The following FBXO25 variants were observed in gnomAD, a reference collection of about 807,000 sequenced individuals.
FBXO25 encodes F-box only protein 25.
FBXO25 carries 45 observed loss-of-function variants against 51.9 expected under a neutral mutation model. The observed-to-expected ratio is 0.87, with a 90% confidence interval of 0.68 to 1.11. The LOEUF (loss-of-function observed/expected upper bound fraction) is 1.11. Among genes scored for constraint, FBXO25 ranks in the 50% most tolerant of loss-of-function variants. The pLI, the probability that FBXO25 is intolerant of heterozygous loss-of-function variation, is 0.00. For synonymous variants in FBXO25, 199 were observed against 151.0 expected (o/e 1.32, Z -2.33); for missense variants, 507 against 428.5 (o/e 1.18, Z -1.62).
chr8:466,411 C>T (rs995361234), intron 9 of FBXO25, among the ~76,000 whole-genome samples: 5 of 152,344 alleles, frequency 3.3e-5, no homozygotes, highest in African/African-American at 9.6e-5. Context: ...AGTCCTGCAC[C>T]TGGAAACTGG....
intron 2 of FBXO25, among the ~76,000 whole-genome samples, chr8:430,817 C>A (rs188983980): frequency 5.7e-4 from 87 of 152,276 alleles, no homozygotes; most frequent in African/African-American, 2.0e-3. Context: ...TAAAAATATA[C>A]ATGTCACTTC....
At chr8:416,294 C>G (rs923571741) in intron 2 of FBXO25, among the ~76,000 whole-genome samples, 1 of 152,208 alleles carries the variant, frequency 6.6e-6, no homozygotes, top group Non-Finnish European at 1.5e-5. Context: ...TACTCCTTCC[C>G]CATCTTTTCA....
chr8:437,546 T>C (rs1327590733), intron 5 of FBXO25, among the ~76,000 whole-genome samples: 2 of 152,198 alleles, frequency 1.3e-5, no homozygotes, highest in African/African-American at 2.4e-5. Flanking sequence ...CCAGCAAAGT[T>C]ACCTCTAAAA....
At chr8:444,357 A>C (rs984599010) in intron 5 of FBXO25, among the ~76,000 whole-genome samples, 2 of 152,206 alleles carry the variant, frequency 1.3e-5, no homozygotes, top group Non-Finnish European at 2.9e-5. Context: ...TGCAGTGCCA[A>C]TTTACTCCCA....
chr8:438,725 T>G (rs1435602446), intron 5 of FBXO25, among the ~76,000 whole-genome samples: 3 of 152,176 alleles, frequency 2.0e-5, no homozygotes, highest in Non-Finnish European at 4.4e-5. Context: ...TTTTCTAACT[T>G]TCAAGAAACT....
chr8:428,319 A>G (rs892947015), intron 2 of FBXO25, among the ~76,000 whole-genome samples: 7 of 152,130 alleles, frequency 4.6e-5, no homozygotes, highest in African/African-American at 1.7e-4. Flanking sequence ...TAGCTCCATC[A>G]TTCAGACATG....
intron 1 of FBXO25, among the ~76,000 whole-genome samples, chr8:408,934 T>A (rs1341294202): frequency 1.3e-5 from 2 of 152,204 alleles, no homozygotes; most frequent in Non-Finnish European, 2.9e-5. Flanking sequence ...ATTTCTAGTT[T>A]TTTTGTGTTT....
chr8:451,247 G>C, intron 6 of FBXO25, 22 bp from the exon 7 acceptor site: 1 of 1,578,924 alleles, frequency 6.3e-7, no homozygotes, highest in Non-Finnish European at 8.6e-7. Flanking sequence ...TCAATCCATA[G>C]TTTTATTTTT....
chr8:422,785 T>C (rs1038503643), intron 2 of FBXO25, among the ~76,000 whole-genome samples: 1 of 152,166 alleles, frequency 6.6e-6, no homozygotes, highest in African/African-American at 2.4e-5. Context: ...CAATGGTGGC[T>C]TACCTCTTAG....
At position 451,436 on chromosome 8, in the gene FBXO25, G is replaced by C. The variant is rs144159684; in HGVS notation, c.643G>C (p.Asp215His). The C allele has an allele frequency of 6.1e-5, 98 of 1,613,632 alleles. 1 individual carries two copies. In the African/African-American group the frequency reaches 1.3e-3, roughly 21 times the overall value. The part of the protein sequence containing the change: ...TILAWQQQLQ[D>H]LQMTKQVNNG... ...TCTCGCCTGGCAACAACAGCTACAG[G>C]ATCTTCAGATGACTAAGGTATAAAT... Residue 215 changes from aspartate to histidine, a missense_variant, in exon 7 of 10, where the codon GAT becomes CAT. By Grantham distance (81) the Asp-to-His change is moderately conservative (BLOSUM62 -1). Coordinates refer to ENST00000350302, the MANE Select transcript of FBXO25 (RefSeq NM_183420.2).
Position 420,074 on chromosome 8 carries a change from A to C in FBXO25, c.134+6861A>C, listed in dbSNP as rs1367725678. Among the ~76,000 whole-genome samples, 4 of 152,152 alleles carry C rather than the reference A, an allele frequency of 2.6e-5. No individual in the cohort carries two copies. In the East Asian group the frequency reaches 7.7e-4, roughly 29 times the overall value. ...ATTTATTGTTAGGGAAACAAATGCA[A>C]GCAATCCGGAAGGTAAACACTGCAG... is the stretch of plus-strand genomic sequence containing the variant. On this transcript the variant is annotated intron_variant, in intron 2 of 9. Coordinates refer to ENST00000350302, the MANE Select transcript of FBXO25 (RefSeq NM_183420.2).
intron 5 of FBXO25, among the ~76,000 whole-genome samples, chr8:443,846 A>G (rs1399653888): frequency 2.0e-5 from 3 of 152,078 alleles, no homozygotes; most frequent in Non-Finnish European, 4.4e-5. Flanking sequence ...AATAAACTTG[A>G]GAAGTCTTTT....
chr8:460,264 C>T (rs927360515), intron 8 of FBXO25, among the ~76,000 whole-genome samples: 4 of 152,128 alleles, frequency 2.6e-5, no homozygotes, highest in African/African-American at 9.7e-5. Flanking sequence ...GTGGTCATTG[C>T]CATTCTTAAA....
At chr8:443,453 T>A (rs1318869844) in intron 5 of FBXO25, among the ~76,000 whole-genome samples, 1 of 151,818 alleles carries the variant, frequency 6.6e-6, no homozygotes, top group Non-Finnish European at 1.5e-5. Context: ...CAGTTTAGTT[T>A]CAGATAAAAA....
At chr8:468,684 C>T in intron 9 of FBXO25, 31 bp from the exon 10 acceptor site, 1 of 1,595,912 alleles carries the variant, frequency 6.3e-7, no homozygotes, top group Non-Finnish European at 8.6e-7. Flanking sequence ...GTGGTGGGGC[C>T]CCCTCCTAAC....
At chr8:464,207 C>A (rs965395771) in intron 9 of FBXO25, among the ~76,000 whole-genome samples, 1 of 152,226 alleles carries the variant, frequency 6.6e-6, no homozygotes, top group Non-Finnish European at 1.5e-5. Context: ...CTATGTGCCC[C>A]AGCTTTCCAA....
chr8:456,799 A>T (rs1025371305), intron 7 of FBXO25, among the ~76,000 whole-genome samples: 1 of 152,124 alleles, frequency 6.6e-6, no homozygotes, highest in African/African-American at 2.4e-5. Flanking sequence ...GCCCACTGGG[A>T]TGCATGAGAA....
At chr8:413,044 CT>C in intron 1 of FBXO25, 28 bp from the exon 2 acceptor site, 1 of 1,457,304 alleles carries the variant, frequency 6.9e-7, no homozygotes, top group South Asian at 1.6e-5. Flanking sequence ...ATTATATATA[CT>C]TTTTAACATA....
At position 471,792 on chromosome 8, in the gene FBXO25, G is replaced by T. The variant is rs562885755; in HGVS notation, c.*2988G>T. On this transcript the variant is annotated 3_prime_UTR_variant, in exon 10 of 10. Coordinates refer to ENST00000350302, the MANE Select transcript of FBXO25 (RefSeq NM_183420.2). ...AGGAGCAGACCGATTTGTAGCTGTC[G>T]TGGTTTACTGCATGACGTACAGGCT... 6.6e-6 allele frequency: 1 copy of T among 152,188 alleles called. No homozygotes were observed. Among genetic ancestry groups the T allele is most frequent in the Admixed American group, 6.5e-5 (1 of 15,280 alleles). 9.4% of individuals were successfully genotyped at this position (152,188 alleles called of 1,614,324 possible). A position where few individuals can be genotyped will look rare whatever the true frequency, so the allele number is the denominator to read the frequency against.
Sources: allele counts gnomAD v4.1 joint callset (sites outside exome capture counted in the v4.1 genomes callset), GRCh38; gene constraint gnomAD v4.1.1; transcripts MANE v1.5; gene names NCBI Gene and HGNC (gene_info 2026-07-23, HGNC 2026-07-21).